Variants in DLGAP1 observed in about 807,000 individuals in gnomAD.
DLGAP1 encodes the protein DLG associated protein 1.
Under a neutral mutation model 90.8 loss-of-function variants are expected in DLGAP1, and 11 were observed. That is an observed-to-expected ratio of 0.12 (90% confidence interval 0.08 to 0.20). The LOEUF (loss-of-function observed/expected upper bound fraction) is 0.20, where lower values mean the gene tolerates loss of function less well. Ranked by LOEUF, DLGAP1 falls within the 10% of genes least tolerant of loss-of-function variation. The probability of loss-of-function intolerance (pLI) is 1.00; values close to 1 mark genes in which losing one functional copy is unlikely to be tolerated. For missense variants in DLGAP1, 1,050 were observed against 1,333.8 expected (o/e 0.79, Z 3.31); for synonymous variants, 558 against 540.7 (o/e 1.03, Z -0.44).
intron 1 of DLGAP1, among the ~76,000 whole-genome samples, chr18:4,220,396 C>T (rs944264837): frequency 6.6e-6 from 1 of 152,110 alleles, no homozygotes; most frequent in Non-Finnish European, 1.5e-5. Context: ...CTGGCAAAAT[C>T]CCAACTGTGC....
intron 7 of DLGAP1, among the ~76,000 whole-genome samples, chr18:3,666,305 G>T (rs1334071245): frequency 2.0e-5 from 3 of 152,236 alleles, no homozygotes; most frequent in African/African-American, 7.2e-5. Flanking sequence ...AATGCAGGAA[G>T]CTTTCAAAGA....
At position 4,121,798 on chromosome 18, in the gene DLGAP1, C is replaced by A. The variant is rs148102463; in HGVS notation, c.-159+29382G>T. On this transcript the variant is annotated intron_variant, in intron 2 of 12. Coordinates refer to ENST00000315677, the MANE Select transcript of DLGAP1 (RefSeq NM_004746.4). ...TTTCCTTATCATGCTTTAACAAGTACCATTGAATAATTTTTTCTTTAACAG... is the reference window on the plus strand; with the variant it reads ...TTTCCTTATCATGCTTTAACAAGTAACATTGAATAATTTTTTCTTTAACAG... Among the ~76,000 whole-genome samples, 413 of 152,178 alleles carry A rather than the reference C, an allele frequency of 2.7e-3. 2 individuals are homozygous for A. Among genetic ancestry groups the A allele is most frequent in the African/African-American group, 9.7e-3 (404 of 41,516 alleles).
At chr18:4,203,199 C>T (rs1055785030) in intron 1 of DLGAP1, among the ~76,000 whole-genome samples, 4 of 151,304 alleles carry the variant, frequency 2.6e-5, no homozygotes, top group African/African-American at 7.3e-5. Context: ...TGCTTGAACC[C>T]GGGAGGCGGA....
chr18:3,630,139 T>C (rs1013305045), intron 7 of DLGAP1, among the ~76,000 whole-genome samples: 1 of 152,164 alleles, frequency 6.6e-6, no homozygotes, highest in South Asian at 2.1e-4. Context: ...GAGTATTACA[T>C]TGGAATCAGT....
chr18:3,663,198 G>A (rs958017920), intron 7 of DLGAP1, among the ~76,000 whole-genome samples: 10 of 152,068 alleles, frequency 6.6e-5, no homozygotes, highest in Admixed American at 3.3e-4. Flanking sequence ...TTGAATCTGG[G>A]AGGTGGAGGT....
intron 11 of DLGAP1, among the ~76,000 whole-genome samples, chr18:3,503,329 A>G (rs2050045239): frequency 6.6e-6 from 1 of 152,226 alleles, no homozygotes; most frequent in South Asian, 2.1e-4. Context: ...CTACATCTAT[A>G]TGTCTGTAAT....
At chr18:3,657,628 A>T (rs1019637828) in intron 7 of DLGAP1, among the ~76,000 whole-genome samples, 1 of 131,064 alleles carries the variant, frequency 7.6e-6, no homozygotes, top group Non-Finnish European at 1.6e-5. Context: ...TTTGAGACGG[A>T]GTCTTGCTCT....
rs1201304331 is a variant in DLGAP1 at position 4,454,671 on chromosome 18, G to T, written c.-267+335C>A. Among the ~76,000 whole-genome samples, 2 of 151,984 alleles carry T rather than the reference G, an allele frequency of 1.3e-5. No individual in the cohort carries two copies. Among genetic ancestry groups the T allele is most frequent in the African/African-American group, 4.8e-5 (2 of 41,398 alleles). ...GACATGACCGGGACAGGGGACCGGT[G>T]TTCTCCTCCCCTCCCCCTTCCGGGA... On this transcript the variant is annotated intron_variant, in intron 1 of 12. Coordinates refer to ENST00000315677, the MANE Select transcript of DLGAP1 (RefSeq NM_004746.4). The surrounding 1 kb of genome is among the most constrained non-coding windows in gnomAD (Gnocchi z 4.7).
chr18:4,059,633 C>T (rs2075271665), intron 2 of DLGAP1, among the ~76,000 whole-genome samples: 1 of 152,058 alleles, frequency 6.6e-6, no homozygotes, highest in Non-Finnish European at 1.5e-5. Context: ...ATCACTTGAA[C>T]CTGGAAGGTG....
In DLGAP1 at chr18:4,082,341, C is replaced by T. The variant is rs927315742; in HGVS notation, c.-159+68839G>A. 3.4e-3 allele frequency among the ~76,000 whole-genome samples: 268 copies of T among 78,766 alleles called. 1 individual carries two copies. Among genetic ancestry groups the T allele is most frequent in the Non-Finnish European group, 4.7e-3 (198 of 42,228 alleles). The allele number at this position is 78,766 out of a possible 152,430, so 51.7% of individuals were successfully genotyped here. A position where few individuals can be genotyped will look rare whatever the true frequency, so the allele number is the denominator to read the frequency against. On this transcript the variant is annotated intron_variant, in intron 2 of 12. Transcript: ENST00000315677. ...TGGGCGACAGAACAAGACTCCATCT[C>T]AAAAAAAAAAAAAAAAAAAATTTGC...
At chr18:4,077,793 A>C (rs2075545758) in intron 2 of DLGAP1, among the ~76,000 whole-genome samples, 1 of 152,206 alleles carries the variant, frequency 6.6e-6, no homozygotes. Context: ...CAGATGGATT[A>C]AGACAGGAGT....
chr18:4,433,393 A>G (rs1286459736), intron 1 of DLGAP1, among the ~76,000 whole-genome samples: 1 of 152,226 alleles, frequency 6.6e-6, no homozygotes, highest in Non-Finnish European at 1.5e-5. Flanking sequence ...AAAGTGTTCA[A>G]TTATCTCGTA....
chr18:4,146,048 A>G (rs1367228697), intron 2 of DLGAP1, among the ~76,000 whole-genome samples: 1 of 152,220 alleles, frequency 6.6e-6, no homozygotes, highest in Admixed American at 6.5e-5. Context: ...CATTTTCTAA[A>G]GTGTGTTCAT....
At chr18:3,539,479 G>T (rs1748576320) in intron 9 of DLGAP1, among the ~76,000 whole-genome samples, 1 of 152,190 alleles carries the variant, frequency 6.6e-6, no homozygotes, top group Admixed American at 6.5e-5. Flanking sequence ...AACCAGTATG[G>T]AACACAATAC....
intron 1 of DLGAP1, among the ~76,000 whole-genome samples, chr18:4,256,298 G>T (rs2078886111): frequency 6.6e-6 from 1 of 152,168 alleles, no homozygotes; most frequent in South Asian, 2.1e-4. Context: ...TACTCAAGAG[G>T]CTTAGGTGGA....
At chr18:3,733,172 T>C (rs1162484235) in intron 6 of DLGAP1, among the ~76,000 whole-genome samples, 2 of 152,208 alleles carry the variant, frequency 1.3e-5, no homozygotes, top group South Asian at 4.1e-4. Flanking sequence ...TCTATTCTTT[T>C]CTCATTTTTA....
intron 4 of DLGAP1, among the ~76,000 whole-genome samples, chr18:3,857,512 T>C (rs1341206524): frequency 1.3e-5 from 2 of 152,194 alleles, no homozygotes; most frequent in Admixed American, 6.5e-5. Context: ...GTGCAGTAGT[T>C]ACTTCCCAAT....
intron 4 of DLGAP1, among the ~76,000 whole-genome samples, chr18:3,872,627 T>G (rs2148805429): frequency 6.6e-6 from 1 of 152,326 alleles, no homozygotes; most frequent in East Asian, 1.9e-4. Context: ...ACTGCATATA[T>G]TTTTTAGCAG....
At chr18:4,393,325 T>A (rs2082375877) in intron 1 of DLGAP1, among the ~76,000 whole-genome samples, 1 of 152,234 alleles carries the variant, frequency 6.6e-6, no homozygotes, top group Non-Finnish European at 1.5e-5. Flanking sequence ...TCTCTCACTA[T>A]GCTTCAGCCA....
Sources: gnomAD v4.1 joint callset for allele counts (sites outside exome capture counted in the v4.1 genomes callset) on GRCh38, gnomAD v4.1.1 for gene constraint, Gnocchi (gnomAD v3.1) non-coding constraint, MANE v1.5 for transcripts, NCBI Gene and HGNC (gene_info 2026-07-23, HGNC 2026-07-21) for gene names.